Variants in EEPD1 observed in about 807,000 individuals in gnomAD.
EEPD1 encodes the protein endonuclease/exonuclease/phosphatase family domain containing 1.
In EEPD1, 17 loss-of-function variants were observed where a neutral mutation model predicts 46.3. The observed-to-expected ratio is 0.37, with a 90% CI of 0.25 to 0.55. EEPD1 has a LOEUF of 0.55. EEPD1 is among the 20% of genes least tolerant of loss of function. EEPD1 has a pLI of 0.83. For missense variants in EEPD1, 673 were observed against 745.6 expected (o/e 0.90, Z 1.13); for synonymous variants, 313 against 315.6 (o/e 0.99, Z 0.09).
At chr7:36,289,401 G>A (rs756701879) in intron 6 of EEPD1, among the ~76,000 whole-genome samples, 6 of 152,136 alleles carry the variant, frequency 3.9e-5, no homozygotes, top group Non-Finnish European at 8.8e-5. Flanking sequence ...GACTACTCTA[G>A]GTGCCCCAAA....
At chr7:36,288,487 A>T (rs919312403) in intron 6 of EEPD1, among the ~76,000 whole-genome samples, 28 of 152,198 alleles carry the variant, frequency 1.8e-4, no homozygotes, top group Non-Finnish European at 2.9e-5. Flanking sequence ...CTAGCTAGGC[A>T]CGGTAGCTCA....
chr7:36,198,805 G>T (rs1417794988), intron 2 of EEPD1, among the ~76,000 whole-genome samples: 2 of 152,036 alleles, frequency 1.3e-5, no homozygotes, highest in South Asian at 4.2e-4. Flanking sequence ...ATCTCTGTGG[G>T]TGTGCCAGCC....
At chr7:36,203,689 T>G (rs1422426975) in intron 2 of EEPD1, among the ~76,000 whole-genome samples, 6 of 152,220 alleles carry the variant, frequency 3.9e-5, no homozygotes, top group African/African-American at 1.4e-4. Context: ...ATTGGTATAA[T>G]GAAAATTAGG....
intron 6 of EEPD1, among the ~76,000 whole-genome samples, chr7:36,292,136 A>G (rs1787451835): frequency 1.3e-5 from 2 of 152,170 alleles, no homozygotes. Context: ...AAGGGGGCCC[A>G]CGCTACATGT....
At position 36,154,311 on chromosome 7, in the gene EEPD1, G is replaced by C; in HGVS notation, c.-14G>C. Reference sequence around the variant, plus strand: ...AGTGGTGCGGCCTTCCCGGGAGCCTGATCCTGGCGGACCATGGGGAGCACC... The same window carrying C: ...AGTGGTGCGGCCTTCCCGGGAGCCTCATCCTGGCGGACCATGGGGAGCACC... On this transcript the variant is annotated 5_prime_UTR_variant, in exon 2 of 8. Coordinates refer to ENST00000242108, the MANE Select transcript of EEPD1 (RefSeq NM_030636.3). This position sits in a 1 kb window ranked among gnomAD's most constrained non-coding sequence, Gnocchi z 4.2. The C allele has an allele frequency of 6.2e-7, 1 of 1,601,724 alleles. No homozygotes were observed. The highest frequency in any genetic ancestry group is 8.5e-7 in the Non-Finnish European group (1 of 1,177,216).
rs188711349 is a variant in EEPD1, at chr7:36,172,107, T to G, written c.878+16905T>G. 3.0e-3 allele frequency among the ~76,000 whole-genome samples: 461 copies of G among 152,340 alleles called. 2 individuals carry two copies. Among genetic ancestry groups the G allele is most frequent in the African/African-American group, 0.01 (432 of 41,586 alleles). The stretch of plus-strand genomic sequence containing the variant: ...GGGACTCAGGGCTCTTCTGTCTTAC[T>G]GTGGTGTTATGATATACACTGGTTT... On this transcript the variant is annotated intron_variant, in intron 2 of 7. Coordinates refer to ENST00000242108, the MANE Select transcript of EEPD1 (RefSeq NM_030636.3).
chr7:36,295,039 G>A (rs757155446), intron 6 of EEPD1, among the ~76,000 whole-genome samples: 2 of 152,036 alleles, frequency 1.3e-5, no homozygotes, highest in African/African-American at 2.4e-5. Flanking sequence ...TTAGCCAGGC[G>A]TGGTGGTCCA....
chr7:36,253,363 A>G (rs897741700), intron 3 of EEPD1, among the ~76,000 whole-genome samples: 3 of 152,238 alleles, frequency 2.0e-5, no homozygotes, highest in African/African-American at 4.8e-5. Context: ...ACAGCCTAAC[A>G]TAAGGTCTGT....
chr7:36,173,363 G>C (rs949979133), intron 2 of EEPD1, among the ~76,000 whole-genome samples: 1 of 150,492 alleles, frequency 6.6e-6, no homozygotes, highest in African/African-American at 2.4e-5. Context: ...GCTGGGTGTG[G>C]TAATGTGCAC....
chr7:36,273,212 A>G (rs557020685), intron 3 of EEPD1, among the ~76,000 whole-genome samples: 9 of 152,094 alleles, frequency 5.9e-5, no homozygotes, highest in African/African-American at 9.6e-5. Context: ...TGACCCGGCT[A>G]TGTTACCTTT....
chr7:36,219,774 A>G (rs111813817), intron 2 of EEPD1, among the ~76,000 whole-genome samples: 2 of 102,360 alleles, frequency 2.0e-5, no homozygotes, highest in African/African-American at 7.5e-5. Context: ...AGAGAGAGAG[A>G]AAGAGAGAGA....
intron 2 of EEPD1, among the ~76,000 whole-genome samples, chr7:36,209,264 C>T (rs557301926): frequency 9.5e-4 from 144 of 152,302 alleles, no homozygotes; most frequent in Admixed American, 3.9e-3. Flanking sequence ...TGTCTCTTAG[C>T]AACCTAACTC....
intron 3 of EEPD1, among the ~76,000 whole-genome samples, chr7:36,278,489 A>T (rs1787214393): frequency 9.1e-6 from 1 of 109,538 alleles, no homozygotes; most frequent in Non-Finnish European, 1.7e-5. Flanking sequence ...TGGTTGGCTG[A>T]TCCCTTGGTG....
At chr7:36,163,030 A>G (rs889349619) in intron 2 of EEPD1, among the ~76,000 whole-genome samples, 1 of 152,210 alleles carries the variant, frequency 6.6e-6, no homozygotes, top group Non-Finnish European at 1.5e-5. Flanking sequence ...TTTAAAAAAT[A>G]TCTATCCAAT....
intron 2 of EEPD1, among the ~76,000 whole-genome samples, chr7:36,234,063 G>A (rs1403218207): frequency 7.2e-5 from 11 of 152,028 alleles, no homozygotes; most frequent in East Asian, 3.9e-4. Context: ...GATTACAGGC[G>A]CCCGCCACCA....
intron 6 of EEPD1, among the ~76,000 whole-genome samples, chr7:36,291,819 C>T (rs758106390): frequency 5.9e-5 from 9 of 152,210 alleles, no homozygotes; most frequent in Non-Finnish European, 1.2e-4. Flanking sequence ...CAAGGTGTGG[C>T]AGAAATGCCA....
intron 2 of EEPD1, among the ~76,000 whole-genome samples, chr7:36,189,983 G>A (rs190267898): frequency 1.2e-4 from 18 of 152,262 alleles, no homozygotes; most frequent in African/African-American, 4.3e-4. Context: ...GTGAGAGCCT[G>A]TATCTTAAAA....
At chr7:36,241,473 A>AAAAT (rs534305995) in intron 3 of EEPD1, among the ~76,000 whole-genome samples, 4,270 of 152,052 alleles carry the variant, frequency 0.028, 78 homozygotes, top group Non-Finnish European at 0.045. Context: ...ACTCTGTCTC[A>AAAAT]AAATAAATAA....
intron 2 of EEPD1, among the ~76,000 whole-genome samples, chr7:36,178,999 G>C (rs1396881820): frequency 6.6e-6 from 1 of 152,226 alleles, no homozygotes; most frequent in Admixed American, 6.5e-5. Context: ...CTTGGCATTT[G>C]GCGGGATGGT....
Sources: gnomAD v4.1 joint callset for allele counts (sites outside exome capture counted in the v4.1 genomes callset) on GRCh38, gnomAD v4.1.1 for gene constraint, Gnocchi (gnomAD v3.1) non-coding constraint, MANE v1.5 for transcripts, NCBI Gene and HGNC (gene_info 2026-07-23, HGNC 2026-07-21) for gene names.